Variants in PTPRN2 observed in about 807,000 individuals in gnomAD.
PTPRN2 encodes protein tyrosine phosphatase receptor type N2.
PTPRN2 carries 74 observed loss-of-function variants against 118.8 expected under a neutral mutation model. That is an observed-to-expected ratio of 0.62 (90% CI 0.52 to 0.76). PTPRN2 has a LOEUF of 0.76. Ranked by LOEUF, PTPRN2 falls within the 30% of genes least tolerant of loss-of-function variation. PTPRN2 has a pLI of 0.00. For missense variants in PTPRN2, 1,481 were observed against 1,394.4 expected (o/e 1.06, Z -0.99); for synonymous variants, 641 against 608.0 (o/e 1.05, Z -0.80).
chr7:158,086,540 T>G (rs2128937925), intron 10 of PTPRN2, among the ~76,000 whole-genome samples: 1 of 152,268 alleles, frequency 6.6e-6, no homozygotes, highest in East Asian at 1.9e-4. Context: ...GTTACAACAC[T>G]AGGAACACCA....
At chr7:157,916,334 G>T (rs979054366) in intron 11 of PTPRN2, among the ~76,000 whole-genome samples, 1 of 152,222 alleles carries the variant, frequency 6.6e-6, no homozygotes, top group Non-Finnish European at 1.5e-5. Context: ...CAGATGGGCG[G>T]CTGGAGCCTC....
At chr7:158,126,766 G>C (rs1000858440) in intron 9 of PTPRN2, among the ~76,000 whole-genome samples, 14 of 152,208 alleles carry the variant, frequency 9.2e-5, no homozygotes, top group African/African-American at 3.4e-4. Context: ...ACATCTCACA[G>C]TGAGCCGAGG....
chr7:158,415,408 C>A (rs980508578), intron 2 of PTPRN2, among the ~76,000 whole-genome samples: 1 of 152,170 alleles, frequency 6.6e-6, no homozygotes, highest in Non-Finnish European at 1.5e-5. Context: ...TCTCTAAGCC[C>A]CCACCAGCTG....
intron 21 of PTPRN2, among the ~76,000 whole-genome samples, chr7:157,553,990 G>A (rs1322872624): frequency 2.0e-4 from 26 of 132,606 alleles, no homozygotes; most frequent in Non-Finnish European, 3.6e-4. Context: ...GATCCTGCCC[G>A]CTCTCGTGCC....
At chr7:158,199,917 T>C (rs777253225) in intron 4 of PTPRN2, among the ~76,000 whole-genome samples, 1 of 152,184 alleles carries the variant, frequency 6.6e-6, no homozygotes, top group Non-Finnish European at 1.5e-5. Context: ...ATGATCCCTT[T>C]AATGAGGAAT....
chr7:158,384,481 G>A (rs1391285244), intron 2 of PTPRN2, among the ~76,000 whole-genome samples: 2 of 152,180 alleles, frequency 1.3e-5, no homozygotes, highest in Non-Finnish European at 2.9e-5. Flanking sequence ...GAGGGCAGGG[G>A]CTCCTTAACA....
intron 21 of PTPRN2, among the ~76,000 whole-genome samples, chr7:157,558,264 G>T (rs1021986041): frequency 2.6e-5 from 4 of 152,088 alleles, no homozygotes; most frequent in Admixed American, 2.6e-4. Flanking sequence ...AGATGCAAAC[G>T]CAGCGTCTGT....
intron 3 of PTPRN2, among the ~76,000 whole-genome samples, chr7:158,233,299 A>C (rs532698536): frequency 6.6e-6 from 1 of 152,344 alleles, no homozygotes; most frequent in East Asian, 1.9e-4. Context: ...AAAAACAATA[A>C]AGTAACCCTA....
At chr7:157,773,864 T>C (rs574778541) in intron 12 of PTPRN2, among the ~76,000 whole-genome samples, 11 of 134,490 alleles carry the variant, frequency 8.2e-5, no homozygotes, top group African/African-American at 3.0e-4. Flanking sequence ...GGTGAATGAA[T>C]CAATAAACTC....
chr7:158,166,872 G>C, intron 6 of PTPRN2, 59 bp downstream of exon 6: 3 of 1,401,710 alleles, frequency 2.1e-6, no homozygotes, highest in Non-Finnish European at 2.8e-6. Context: ...GTCTGTCACT[G>C]GGAGGGGCTG....
At chr7:157,570,240 C>G (rs1317098783) in intron 20 of PTPRN2, among the ~76,000 whole-genome samples, 1 of 152,240 alleles carries the variant, frequency 6.6e-6, no homozygotes, top group Non-Finnish European at 1.5e-5. Flanking sequence ...CACTTGTCTC[C>G]TATGCACAGC....
At chr7:158,049,777 C>T (rs1023027237) in intron 11 of PTPRN2, among the ~76,000 whole-genome samples, 1 of 152,136 alleles carries the variant, frequency 6.6e-6, no homozygotes, top group African/African-American at 2.4e-5. Context: ...GTGGCGGGCA[C>T]CTATAATCCC....
At position 157,550,049 on chromosome 7, in the gene PTPRN2, C is replaced by T. The variant is rs945713247; in HGVS notation, c.2903-1030G>A. ...CTACCGTGGGCAGGACAGCGCTGGC[C>T]GAAGACCTGAGGAGGCCCGGGTGGC... On this transcript the variant is annotated intron_variant, in intron 21 of 22. Coordinates refer to ENST00000389418, the MANE Select transcript of PTPRN2 (RefSeq NM_002847.5). The surrounding 1 kb of genome is among the most constrained non-coding windows in gnomAD (Gnocchi z 5.2). 7.2e-5 allele frequency among the ~76,000 whole-genome samples: 11 copies of T among 152,244 alleles called. No individual in the cohort carries two copies. Among genetic ancestry groups the T allele is most frequent in the African/African-American group, 1.4e-4 (6 of 41,452 alleles).
intron 12 of PTPRN2, among the ~76,000 whole-genome samples, chr7:157,841,081 C>T (rs1808388998): frequency 6.6e-6 from 1 of 152,258 alleles, no homozygotes; most frequent in Non-Finnish European, 1.5e-5. Flanking sequence ...CCTGCACTCG[C>T]TCCCAGCACA....
chr7:158,584,598 G>C (rs1227974825), intron 1 of PTPRN2, among the ~76,000 whole-genome samples: 2 of 152,176 alleles, frequency 1.3e-5, no homozygotes, highest in African/African-American at 4.8e-5. Context: ...CCATAAGGGA[G>C]CCCTTCCGAC....
At chr7:158,037,905 G>A (rs1292741449) in intron 11 of PTPRN2, among the ~76,000 whole-genome samples, 1 of 152,232 alleles carries the variant, frequency 6.6e-6, no homozygotes, top group Non-Finnish European at 1.5e-5. Context: ...CTGTACCACA[G>A]CAGGTGAGTA....
intron 3 of PTPRN2, among the ~76,000 whole-genome samples, chr7:158,214,160 T>A (rs1827805450): frequency 6.6e-6 from 1 of 152,044 alleles, no homozygotes; most frequent in African/African-American, 2.4e-5. Flanking sequence ...CCGTGGCATA[T>A]CTTGGAGAAA....
chr7:158,432,197 G>T (rs1297028783), intron 2 of PTPRN2, among the ~76,000 whole-genome samples: 1 of 152,190 alleles, frequency 6.6e-6, no homozygotes, highest in African/African-American at 2.4e-5. Context: ...CACGGTCAGG[G>T]AGACGTCACA....
chr7:158,489,736 G>A lies in PTPRN2; in HGVS notation c.162C>T (p.Asn54=), dbSNP rs531843701. The A allele has an allele frequency of 3.2e-6, 5 of 1,581,434 alleles. No individual in the cohort carries two copies. The East Asian group carries it at 7.0e-5, about 22-fold the overall frequency. ...GLCGASEACV[N]DGVFGRCQKV... ...CAGCAGCCAGGACCCCACACTCACC[G>A]TTCACACAGGCCTCGGACGCTCCGC... Residue 54 remains asparagine (N), a splice_region_variant and synonymous_variant, in exon 2 of 23, where the codon AAC becomes AAT. Coordinates refer to ENST00000389418, the MANE Select transcript of PTPRN2 (RefSeq NM_002847.5).
Sources: gnomAD v4.1 joint callset for allele counts (sites outside exome capture counted in the v4.1 genomes callset) on GRCh38, gnomAD v4.1.1 for gene constraint, Gnocchi (gnomAD v3.1) non-coding constraint, MANE v1.5 for transcripts, NCBI Gene and HGNC (gene_info 2026-07-23, HGNC 2026-07-21) for gene names.